Variants in NKD1 observed in about 807,000 individuals in gnomAD.
NKD1 encodes protein naked cuticle homolog 1.
Under a neutral mutation model 56.0 loss-of-function variants are expected in NKD1, and 21 were observed. That is an observed-to-expected ratio of 0.38 (90% CI 0.27 to 0.54). The LOEUF (loss-of-function observed/expected upper bound fraction) is 0.54, where lower values mean the gene tolerates loss of function less well. Among genes scored for constraint, NKD1 ranks in the 20% least tolerant of loss-of-function variants. The pLI is 0.82. For missense variants in NKD1, 578 were observed against 642.7 expected (o/e 0.90, Z 1.09); for synonymous variants, 263 against 265.7 (o/e 0.99, Z 0.10).
chr16:50,609,496 AG>A (rs1227408448), intron 4 of NKD1, among the ~76,000 whole-genome samples: 1 of 151,924 alleles, frequency 6.6e-6, no homozygotes, highest in Non-Finnish European at 1.5e-5. Flanking sequence ...GGGTCTGCGG[AG>A]GGGGATCTAG....
At chr16:50,576,990 G>A (rs1013357535) in intron 3 of NKD1, among the ~76,000 whole-genome samples, 2 of 152,200 alleles carry the variant, frequency 1.3e-5, no homozygotes, top group African/African-American at 4.8e-5. Context: ...CCTTCAGGAG[G>A]TGCCCATTGT....
chr16:50,623,415 G>A lies in NKD1; in HGVS notation c.366+1707G>A, dbSNP rs946186808. ...CAGCTTCTTCCTGGAGCCCAGCCCC[G>A]CCCTAAGCCCACCTGGGTCCTTGTA... On this transcript the variant is annotated intron_variant, in intron 5 of 9. Transcript: ENST00000268459. The surrounding 1 kb of genome is among the most constrained non-coding windows in gnomAD (Gnocchi z 4.1). Among the ~76,000 whole-genome samples the A allele has an allele frequency of 5.9e-5, 9 of 152,144 alleles. No homozygotes were observed. The East Asian group carries it at 1.4e-3, about 23-fold the overall frequency.
rs1960285089 is a variant in NKD1 at position 50,548,500 on chromosome 16, G to GCCCGCGGGCCGGGCGC, written c.-53_-38dup. 1 of 1,397,270 alleles carries GCCCGCGGGCCGGGCGC rather than the reference G, an allele frequency of 7.2e-7. No individual in the cohort carries two copies. Among genetic ancestry groups the GCCCGCGGGCCGGGCGC allele is most frequent in the East Asian group, 3.2e-5 (1 of 31,264 alleles). 86.6% of individuals were successfully genotyped at this position (1,397,270 alleles called of 1,614,324 possible). ...GGAGGAGAGCCAAGGGAGGCGCCAGGCCCGCGGGCCGGGCGCATGGCTTAG... is the reference window on the plus strand; with the variant it reads ...GGAGGAGAGCCAAGGGAGGCGCCAGGCCCGCGGGCCGGGCGCCCCGCGGGCCGGGCGCATGGCTTAG... On this transcript the variant is annotated 5_prime_UTR_variant, in exon 1 of 10. Transcript: ENST00000268459.
At chr16:50,617,921 C>T (rs1294149688) in intron 4 of NKD1, among the ~76,000 whole-genome samples, 1 of 152,082 alleles carries the variant, frequency 6.6e-6, no homozygotes, top group Non-Finnish European at 1.5e-5. Flanking sequence ...CATGAAGGGC[C>T]GGATAGTATG....
chr16:50,625,562 C>G lies in NKD1; in HGVS notation c.444C>G (p.Asn148Lys), dbSNP rs759333024. The change falls in exon 6 of 10, where the codon AAC becomes AAG. Residue 148 changes from asparagine (N) to lysine (K), a missense_variant. Transcript: ENST00000268459. ...TCACCCTGTATGACTTTGACAACAACGGCAAGGTCACCCGAGAGGTGAGTG... is the reference window on the plus strand; with the variant it reads ...TCACCCTGTATGACTTTGACAACAAGGGCAAGGTCACCCGAGAGGTGAGTG... ...WTFTLYDFDN[N>K]GKVTREDITS... 1 of 1,612,350 alleles carries G rather than the reference C, an allele frequency of 6.2e-7. No homozygotes were observed. Among genetic ancestry groups the G allele is most frequent in the South Asian group, 1.1e-5 (1 of 91,044 alleles).
chr16:50,630,313 G>C lies in NKD1; in HGVS notation c.590G>C (p.Ser197Thr). ...VAPDGSQSKR[S>T]VLVNQADLQS... The stretch of plus-strand genomic sequence containing the variant: ...CCCGATGGCAGCCAGAGCAAGAGGA[G>C]CGTCCTTGTCAATCAGGCTGGTGAG... The change falls in exon 7 of 10, where the codon AGC becomes ACC. Residue 197 changes from serine to threonine, a missense_variant. Ser to Thr is a moderately conservative substitution (Grantham distance 58, BLOSUM62 1). Coordinates refer to ENST00000268459, the MANE Select transcript of NKD1 (RefSeq NM_033119.5). The C allele has an allele frequency of 6.2e-7, 1 of 1,614,198 alleles. No homozygotes were observed. The highest frequency in any genetic ancestry group is 8.5e-7 in the Non-Finnish European group (1 of 1,180,034).
rs1802170077 is a variant in NKD1, at chr16:50,632,271, C to G, written c.696-10C>G. The G allele has an allele frequency of 1.9e-6, 3 of 1,613,840 alleles. No homozygotes were observed. Among genetic ancestry groups the G allele is most frequent in the African/African-American group, 1.3e-5 (1 of 74,940 alleles). ...GGTGTTATCCCACTCACTTGCCTCC[C>G]CTGCCGTAGGTTCCAGGGTGACAGC... is the stretch of plus-strand genomic sequence containing the variant. On this transcript the variant is annotated splice_polypyrimidine_tract_variant and intron_variant, in intron 8 of 9. Coordinates refer to ENST00000268459, the MANE Select transcript of NKD1 (RefSeq NM_033119.5). The surrounding 1 kb of genome is among the most constrained non-coding windows in gnomAD (Gnocchi z 4.1).
intron 3 of NKD1, among the ~76,000 whole-genome samples, chr16:50,585,443 G>T (rs1246823547): frequency 6.6e-6 from 1 of 152,212 alleles, no homozygotes; most frequent in Non-Finnish European, 1.5e-5. Context: ...GAGTCTGAGA[G>T]GCTGCTTTGG....
At chr16:50,581,207 G>T (rs143413655) in intron 3 of NKD1, among the ~76,000 whole-genome samples, 76 of 152,314 alleles carry the variant, frequency 5.0e-4, no homozygotes, top group African/African-American at 1.6e-3. Context: ...TCCCACTGGA[G>T]ATTCTGGGGA....
chr16:50,585,590 G>A (rs1234404805), intron 3 of NKD1, among the ~76,000 whole-genome samples: 1 of 152,218 alleles, frequency 6.6e-6, no homozygotes, highest in Non-Finnish European at 1.5e-5. Context: ...AGGCCTTGCT[G>A]CCTCCAAGAT....
chr16:50,630,253 C>T lies in NKD1; in HGVS notation c.530C>T (p.Ser177Phe). The T allele has an allele frequency of 6.2e-7, 1 of 1,614,156 alleles. No homozygotes were observed. Among genetic ancestry groups the T allele is most frequent in the Non-Finnish European group, 8.5e-7 (1 of 1,180,012 alleles). The change falls in exon 7 of 10, where the codon TCC becomes TTC. Residue 177 changes from serine to phenylalanine, a missense_variant. Transcript: ENST00000268459. ...VDSSVNHSPT[S>F]SKMLRVKLTV... ...TCCTCTGTCAACCACTCCCCAACAT[C>T]CAGCAAGATGCTGCGGGTAAAGCTC... is the stretch of plus-strand genomic sequence containing the variant.
At chr16:50,549,636 T>A in intron 3 of NKD1, 81 bp downstream of exon 3, 1 of 1,337,934 alleles carries the variant, frequency 7.5e-7, no homozygotes, top group Admixed American at 2.7e-5. Flanking sequence ...CACCCCAACT[T>A]TGAGCACTTT....
intron 3 of NKD1, chr16:50,552,208 G>A (rs1960403454): frequency 6.6e-6 from 1 of 152,184 alleles, no homozygotes; most frequent in African/African-American, 2.4e-5. Context: ...TATTTATTAA[G>A]TGCCTATATG....
chr16:50,548,654 T>C, intron 1 of NKD1, 63 bp from the exon 2 acceptor site: 1 of 1,465,534 alleles, frequency 6.8e-7, no homozygotes, highest in Non-Finnish European at 9.0e-7. Context: ...TCTCCCTTCC[T>C]TTCTTTCCTT....
At chr16:50,575,532 G>A (rs1005103274) in intron 3 of NKD1, among the ~76,000 whole-genome samples, 1 of 152,162 alleles carries the variant, frequency 6.6e-6, no homozygotes, top group Non-Finnish European at 1.5e-5. Flanking sequence ...CTCCTTCCCC[G>A]GGCTGTGGGG....
At chr16:50,592,236 G>C (rs149009789) in intron 3 of NKD1, among the ~76,000 whole-genome samples, 1 of 152,212 alleles carries the variant, frequency 6.6e-6, no homozygotes, top group Non-Finnish European at 1.5e-5. Flanking sequence ...TGCTGCCGCC[G>C]CCTGGGGGCT....
chr16:50,590,474 T>C (rs1030294790), intron 3 of NKD1, among the ~76,000 whole-genome samples: 3 of 152,266 alleles, frequency 2.0e-5, no homozygotes, highest in Non-Finnish European at 4.4e-5. Context: ...TGTGTCTTTA[T>C]GTACTTTATA....
chr16:50,632,435 G>T lies in NKD1; in HGVS notation c.823+27G>T. 1 of 1,613,666 alleles carries T rather than the reference G, an allele frequency of 6.2e-7. No homozygotes were observed. The highest frequency in any genetic ancestry group is 1.3e-5 in the African/African-American group (1 of 75,038). On this transcript the variant is annotated intron_variant, in intron 9 of 9. Transcript: ENST00000268459. This position sits in a 1 kb window ranked among gnomAD's most constrained non-coding sequence, Gnocchi z 4.1. ...TAAGGGACTCAAGCACCCTGCAATG[G>T]GCGATGAGGGCAGGGCGTGGCTGGA...
At chr16:50,572,388 C>G (rs1003309556) in intron 3 of NKD1, among the ~76,000 whole-genome samples, 3 of 152,158 alleles carry the variant, frequency 2.0e-5, no homozygotes, top group African/African-American at 7.2e-5. Flanking sequence ...TCTGTTAATC[C>G]TTGGAGAATG....
Sources: allele counts gnomAD v4.1 joint callset (sites outside exome capture counted in the v4.1 genomes callset), GRCh38; gene constraint gnomAD v4.1.1; non-coding constraint Gnocchi (gnomAD v3.1); transcripts MANE v1.5; gene names NCBI Gene and HGNC (gene_info 2026-07-23, HGNC 2026-07-21).